The following GCH1 variants were observed in gnomAD, a reference collection of about 807,000 sequenced individuals.
The protein encoded by GCH1 is GTP cyclohydrolase I.
In GCH1, 5 loss-of-function variants were observed where a neutral mutation model predicts 25.9. The ratio of observed to expected loss-of-function variants is 0.19; its 90% CI spans 0.10 to 0.41. GCH1 has a LOEUF of 0.41. Ranked by LOEUF, GCH1 falls within the 10% of genes least tolerant of loss-of-function variation. GCH1 has a pLI of 1.00. For missense variants in GCH1, 261 were observed against 336.5 expected (o/e 0.78, Z 1.75); for synonymous variants, 159 against 129.6 (o/e 1.23, Z -1.54).
chr14:54,897,584 C>T (rs890403552), intron 1 of GCH1, among the ~76,000 whole-genome samples: 7 of 152,016 alleles, frequency 4.6e-5, no homozygotes, highest in Non-Finnish European at 7.4e-5. Context: ...CCACCGCGCC[C>T]GGCTACTCCA....
intron 1 of GCH1, chr14:54,885,805 C>CT: frequency 5.6e-6 from 1 of 178,884 alleles, no homozygotes; most frequent in South Asian, 1.1e-4. Context: ...ACAAGAATTA[C>CT]TTGAACCCAG....
At chr14:54,851,244 T>C (rs1294214687) in intron 3 of GCH1, among the ~76,000 whole-genome samples, 3 of 152,182 alleles carry the variant, frequency 2.0e-5, no homozygotes, top group African/African-American at 7.2e-5. Flanking sequence ...AACACTTAAA[T>C]GTTAGACCTA....
At chr14:54,869,018 C>T (rs955900881) in intron 1 of GCH1, among the ~76,000 whole-genome samples, 1 of 152,058 alleles carries the variant, frequency 6.6e-6, no homozygotes, top group Non-Finnish European at 1.5e-5. Context: ...GGACTACAGG[C>T]ATGCACCACC....
At chr14:54,858,136 T>TC (rs1399486692) in intron 3 of GCH1, among the ~76,000 whole-genome samples, 2 of 150,960 alleles carry the variant, frequency 1.3e-5, no homozygotes, top group Admixed American at 1.3e-4. Flanking sequence ...CTGGAGTAGT[T>TC]TTTTTTTTAC....
intron 1 of GCH1, among the ~76,000 whole-genome samples, chr14:54,876,137 C>T (rs984562518): frequency 2.0e-5 from 3 of 152,116 alleles, no homozygotes; most frequent in African/African-American, 7.2e-5. Context: ...GAAAATGTGG[C>T]ACATATACAC....
intron 1 of GCH1, among the ~76,000 whole-genome samples, chr14:54,876,325 C>T (rs928094686): frequency 6.6e-5 from 10 of 152,040 alleles, no homozygotes; most frequent in African/African-American, 1.7e-4. Flanking sequence ...GGGAACATCA[C>T]ACACCGGGGC....
rs1418300495 is a variant in GCH1 at position 54,870,263 on chromosome 14, G to A, written c.344-4827C>T. ...CTGTAATTCTAGCACTTTGGGAGGC[G>A]AAGGTGAGAACATTGCTAGAGGCCA... On this transcript the variant is annotated intron_variant, in intron 1 of 5. Transcript: ENST00000491895. Among the ~76,000 whole-genome samples, 5 of 147,828 alleles carry A rather than the reference G, an allele frequency of 3.4e-5. No individual in the cohort carries two copies. In the Admixed American group the frequency reaches 3.5e-4, roughly 10 times the overall value.
intron 3 of GCH1, among the ~76,000 whole-genome samples, chr14:54,848,277 T>C (rs370948890): frequency 2.8e-4 from 42 of 151,926 alleles, no homozygotes; most frequent in African/African-American, 9.7e-4. Flanking sequence ...GCTGGGACTA[T>C]AGGCACCCGT....
At position 54,844,049 on chromosome 14, in the gene GCH1, G is replaced by C; in HGVS notation, c.721C>G (p.Arg241Gly). ...LGVFREDPKT[R>G]EEFLTLIRS is the part of the protein sequence containing the mutation. ...CTAATGAGAGTCAGGAACTCTTCCC[G>C]AGTCTTTGGATCCTCCCGGAACACA... is the stretch of plus-strand genomic sequence containing the variant. Residue 241 changes from arginine to glycine, a missense_variant, in exon 6 of 6, where the codon CGG becomes GGG. Around this residue, in one of 3 missense-constraint regions of GCH1, gnomAD observed 130 missense variants for 184.1 expected, o/e 0.71. Transcript: ENST00000491895. 1 of 1,614,000 alleles carries C rather than the reference G, an allele frequency of 6.2e-7. No homozygotes were observed. Among genetic ancestry groups the C allele is most frequent in the Non-Finnish European group, 8.5e-7 (1 of 1,179,864 alleles).
At chr14:54,881,201 TA>T (rs1028142774) in intron 1 of GCH1, among the ~76,000 whole-genome samples, 6 of 152,016 alleles carry the variant, frequency 3.9e-5, no homozygotes, top group African/African-American at 1.5e-4. Context: ...AAAAAAATTT[TA>T]AAAAGAAACA....
intron 2 of GCH1, among the ~76,000 whole-genome samples, chr14:54,862,379 CTTTTTTTTT>C (rs892910613): frequency 1.7e-5 from 1 of 57,398 alleles, no homozygotes; most frequent in Admixed American, 2.3e-4. Context: ...AAGCACTACT[CTTTTTTTTT>C]TTTTTTTTTT....
In GCH1 at chr14:54,843,855, T is replaced by C. The variant is rs763583057; in HGVS notation, c.*162A>G. On this transcript the variant is annotated 3_prime_UTR_variant, in exon 6 of 6. Transcript: ENST00000491895. ...AAGTAGAGGGCTCAACCCTTTATTA[T>C]ATTTATTTGACTTCCTAGAAATAAT... 6.2e-7 allele frequency: 1 copy of C among 1,611,530 alleles called. No individual in the cohort carries two copies. Among genetic ancestry groups the C allele is most frequent in the East Asian group, 2.2e-5 (1 of 44,838 alleles).
At chr14:54,900,764 T>C (rs2040553031) in intron 1 of GCH1, among the ~76,000 whole-genome samples, 1 of 151,826 alleles carries the variant, frequency 6.6e-6, no homozygotes, top group Non-Finnish European at 1.5e-5. Context: ...GCCGATGCTG[T>C]GAAGTAAACC....
At chr14:54,901,889 G>A (rs2040570800) in intron 1 of GCH1, among the ~76,000 whole-genome samples, 1 of 152,154 alleles carries the variant, frequency 6.6e-6, no homozygotes, top group Non-Finnish European at 1.5e-5. Flanking sequence ...CTGACAATGG[G>A]ATCTCAATAA....
chr14:54,893,079 C>T (rs896904004), intron 1 of GCH1, among the ~76,000 whole-genome samples: 10 of 152,010 alleles, frequency 6.6e-5, no homozygotes, highest in African/African-American at 2.4e-4. Context: ...ACTCTGCCTC[C>T]AAATAAATAA....
At chr14:54,893,106 G>A (rs1048574279) in intron 1 of GCH1, among the ~76,000 whole-genome samples, 1 of 152,192 alleles carries the variant, frequency 6.6e-6, no homozygotes, top group East Asian at 1.9e-4. Context: ...CTACTAATGG[G>A]CTCCAATAGA....
intron 1 of GCH1, among the ~76,000 whole-genome samples, chr14:54,868,268 T>G (rs1008863327): frequency 6.6e-6 from 1 of 151,708 alleles, no homozygotes; most frequent in African/African-American, 2.4e-5. Flanking sequence ...AAGAAAAAAA[T>G]TAGCCAGGCA....
At chr14:54,876,347 TGC>T (rs1198767953) in intron 1 of GCH1, among the ~76,000 whole-genome samples, 1 of 151,446 alleles carries the variant, frequency 6.6e-6, no homozygotes, top group Non-Finnish European at 1.5e-5. Flanking sequence ...TGTTGTGGGG[TGC>T]GGGGAGAGGG....
chr14:54,873,111 A>T (rs568827590), intron 1 of GCH1, among the ~76,000 whole-genome samples: 60 of 152,292 alleles, frequency 3.9e-4, no homozygotes, highest in Non-Finnish European at 1.5e-5. Context: ...ACTCCTCAGC[A>T]AATGTAAAAG....
Sources: allele counts gnomAD v4.1 joint callset (sites outside exome capture counted in the v4.1 genomes callset), GRCh38; gene constraint gnomAD v4.1.1; regional missense constraint gnomAD v4.1.1; transcripts MANE v1.5; gene names NCBI Gene and HGNC (gene_info 2026-07-23, HGNC 2026-07-21).